The following FGF12 variants were observed in gnomAD, a reference collection of about 807,000 sequenced individuals.
FGF12 encodes fibroblast growth factor 12.
A neutral mutation model predicts 23.6 loss-of-function variants in FGF12; 14 were observed. That is an observed-to-expected ratio of 0.59 (90% CI 0.39 to 0.93). The LOEUF (loss-of-function observed/expected upper bound fraction) is 0.93. Ranked by LOEUF, FGF12 falls within the 40% of genes least tolerant of loss-of-function variation. The pLI, the probability that FGF12 is intolerant of heterozygous loss-of-function variation, is 0.00. For synonymous variants in FGF12, 62 were observed against 77.3 expected (o/e 0.80, Z 1.04); for missense variants, 175 against 217.8 (o/e 0.80, Z 1.24).
intron 2 of FGF12, among the ~76,000 whole-genome samples, chr3:192,609,647 G>C (rs1262076487): frequency 6.6e-6 from 1 of 152,070 alleles, no homozygotes; most frequent in African/African-American, 2.4e-5. Flanking sequence ...GGGGCAAGCT[G>C]CTGGGAGCCA....
intron 2 of FGF12, among the ~76,000 whole-genome samples, chr3:192,632,853 C>T (rs754148381): frequency 1.6e-4 from 24 of 152,082 alleles, no homozygotes; most frequent in Non-Finnish European, 2.9e-4. Flanking sequence ...CTGAAATCAA[C>T]GTGCTGCAGG....
intron 3 of FGF12, among the ~76,000 whole-genome samples, chr3:192,356,932 TTTG>T: frequency 1.3e-5 from 2 of 152,348 alleles, no homozygotes; most frequent in South Asian, 4.1e-4. Context: ...TGTAAAATTA[TTTG>T]TTTTTATTTG....
chr3:192,464,309 C>T (rs1376740456), intron 2 of FGF12, among the ~76,000 whole-genome samples: 3 of 151,858 alleles, frequency 2.0e-5, no homozygotes, highest in African/African-American at 7.3e-5. Context: ...CCCCTTGAGC[C>T]TCCAAAGTCC....
chr3:192,542,606 G>A (rs1191039187), intron 2 of FGF12, among the ~76,000 whole-genome samples: 1 of 152,010 alleles, frequency 6.6e-6, no homozygotes, highest in Non-Finnish European at 1.5e-5. Flanking sequence ...ATTTATTGTA[G>A]TCTTCACAGT....
chr3:192,337,965 A>C (rs1717499129), intron 3 of FGF12, among the ~76,000 whole-genome samples: 1 of 152,188 alleles, frequency 6.6e-6, no homozygotes, highest in South Asian at 2.1e-4. Flanking sequence ...ATTGTATTTG[A>C]TCCTCAACCA....
intron 2 of FGF12, among the ~76,000 whole-genome samples, chr3:192,640,725 A>G (rs976076821): frequency 6.6e-6 from 1 of 152,220 alleles, no homozygotes; most frequent in African/African-American, 2.4e-5. Context: ...GTGTTTGGCA[A>G]ATTGTGACCC....
At chr3:192,260,507 C>A (rs910790162) in intron 4 of FGF12, among the ~76,000 whole-genome samples, 1 of 152,120 alleles carries the variant, frequency 6.6e-6, no homozygotes, top group Non-Finnish European at 1.5e-5. Flanking sequence ...ATCAACCCAG[C>A]GGATACCATA....
At chr3:192,576,024 C>G (rs1712866317) in intron 2 of FGF12, among the ~76,000 whole-genome samples, 1 of 152,024 alleles carries the variant, frequency 6.6e-6, no homozygotes, top group African/African-American at 2.4e-5. Flanking sequence ...TCCAAATAAC[C>G]TTTGTTTTAA....
intron 2 of FGF12, among the ~76,000 whole-genome samples, chr3:192,590,089 G>T (rs1713557677): frequency 6.6e-6 from 1 of 151,610 alleles, no homozygotes; most frequent in African/African-American, 2.4e-5. Context: ...TCCCAACCTT[G>T]GTTCTTCTCT....
intron 4 of FGF12, among the ~76,000 whole-genome samples, chr3:192,188,300 T>C (rs1716597466): frequency 6.6e-6 from 1 of 152,154 alleles, no homozygotes; most frequent in African/African-American, 2.4e-5. Flanking sequence ...TGTTATTCTG[T>C]CCTCTTTACA....
chr3:192,187,772 A>T (rs1461895075), intron 4 of FGF12, among the ~76,000 whole-genome samples: 1 of 152,140 alleles, frequency 6.6e-6, no homozygotes, highest in African/African-American at 2.4e-5. Context: ...TAAATAGAAC[A>T]GATGGAAAGA....
Position 192,727,280 on chromosome 3 carries a change from A to G in FGF12, c.-87T>C. On this transcript the variant is annotated 5_prime_UTR_variant, in exon 2 of 6. Transcript: ENST00000445105. ...TCAGATTCCCAAATCTGGGAAGCCAATCTGATGATTTCGCCCGTACTTCCT... is the reference window on the plus strand; with the variant it reads ...TCAGATTCCCAAATCTGGGAAGCCAGTCTGATGATTTCGCCCGTACTTCCT... 1 of 1,553,162 alleles carries G rather than the reference A, an allele frequency of 6.4e-7. No homozygotes were observed. Among genetic ancestry groups the G allele is most frequent in the Non-Finnish European group, 8.7e-7 (1 of 1,147,818 alleles).
chr3:192,389,494 A>G (rs193035236), intron 2 of FGF12, among the ~76,000 whole-genome samples: 255 of 152,340 alleles, frequency 1.7e-3, no homozygotes, highest in African/African-American at 5.7e-3. Flanking sequence ...GAGCATTTCC[A>G]TTTGTCTATT....
intron 2 of FGF12, among the ~76,000 whole-genome samples, chr3:192,685,626 G>C (rs1717704776): frequency 6.6e-6 from 1 of 152,170 alleles, no homozygotes; most frequent in African/African-American, 2.4e-5. Context: ...GGAGGTGACA[G>C]CAGGTACCAG....
intron 5 of FGF12, among the ~76,000 whole-genome samples, chr3:192,155,070 C>T (rs1420629858): frequency 1.3e-5 from 2 of 151,092 alleles, no homozygotes; most frequent in Admixed American, 1.3e-4. Context: ...GGGAGTGACC[C>T]GATTTTCCAG....
At chr3:192,387,718 A>T (rs201513594) in intron 2 of FGF12, among the ~76,000 whole-genome samples, 57 of 147,488 alleles carry the variant, frequency 3.9e-4, no homozygotes, top group African/African-American at 9.3e-4. Context: ...ACACACACAC[A>T]ATATATATAT....
intron 2 of FGF12, among the ~76,000 whole-genome samples, chr3:192,448,735 A>G (rs1454111074): frequency 6.6e-6 from 1 of 152,218 alleles, no homozygotes; most frequent in Non-Finnish European, 1.5e-5. Context: ...TATAAATATC[A>G]GCATGAGTAA....
chr3:192,431,154 T>C (rs1043863101), intron 2 of FGF12, among the ~76,000 whole-genome samples: 2 of 152,134 alleles, frequency 1.3e-5, no homozygotes, highest in African/African-American at 4.8e-5. Flanking sequence ...ATTACTTGGA[T>C]CACTCTAACA....
chr3:192,167,743 ATATATATATATATATATATATATAT>A (rs1715259426), intron 5 of FGF12, among the ~76,000 whole-genome samples: 2 of 22,214 alleles, frequency 9.0e-5, no homozygotes, highest in South Asian at 2.3e-3. Flanking sequence ...ATATATATAT[ATATATATATATATATATATATATAT>A]AAAATTTTTT....
Sources: allele counts gnomAD v4.1 joint callset (sites outside exome capture counted in the v4.1 genomes callset), GRCh38; gene constraint gnomAD v4.1.1; transcripts MANE v1.5; gene names NCBI Gene and HGNC (gene_info 2026-07-23, HGNC 2026-07-21).